SAMMSON: variants seen among roughly 807,000 people sequenced by gnomAD.
The protein encoded by SAMMSON is survival associated mitochondrial melanoma specific oncogenic non-coding RNA.
At chr3:70,169,074 T>C (rs182748539) in intron 4 of SAMMSON, among the ~76,000 whole-genome samples, 1 of 152,048 alleles carries the variant, frequency 6.6e-6, no homozygotes, top group East Asian at 1.9e-4. Context: ...ACAAAACAAC[T>C]AAAATATAAA....
At chr3:70,365,970 CT>C (rs1193657961) in intron 9 of SAMMSON, among the ~76,000 whole-genome samples, 61 of 27,764 alleles carry the variant, frequency 2.2e-3, no homozygotes, top group Non-Finnish European at 3.4e-3. Context: ...TTTACCTTTT[CT>C]TTTTTTTTTT....
chr3:70,226,774 G>A (rs1701511202), intron 4 of SAMMSON, among the ~76,000 whole-genome samples: 1 of 151,352 alleles, frequency 6.6e-6, no homozygotes, highest in Non-Finnish European at 1.5e-5. Context: ...CAATTTCCAG[G>A]TGGCAATTAA....
chr3:70,175,030 C>T (rs891208527), intron 4 of SAMMSON, among the ~76,000 whole-genome samples: 1 of 152,012 alleles, frequency 6.6e-6, no homozygotes, highest in Non-Finnish European at 1.5e-5. Context: ...GTCACAAAAG[C>T]TGGTATTCGA....
intron 6 of SAMMSON, among the ~76,000 whole-genome samples, chr3:70,277,114 T>C (rs1241199358): frequency 6.6e-6 from 1 of 152,154 alleles, no homozygotes; most frequent in Non-Finnish European, 1.5e-5. Flanking sequence ...ATTGGCTAAG[T>C]CTGTGTGATT....
At chr3:70,364,949 C>A (rs1702908775) in intron 9 of SAMMSON, among the ~76,000 whole-genome samples, 1 of 151,718 alleles carries the variant, frequency 6.6e-6, no homozygotes, top group Non-Finnish European at 1.5e-5. Context: ...ATCGTGTTAT[C>A]CATTTATAAC....
intron 4 of SAMMSON, among the ~76,000 whole-genome samples, chr3:70,109,912 C>T (rs2067381673): frequency 1.3e-5 from 2 of 152,196 alleles, no homozygotes; most frequent in Non-Finnish European, 2.9e-5. Context: ...TATTGTGCAA[C>T]TGCTATTTCA....
At chr3:70,266,511 C>G (rs936484923) in intron 6 of SAMMSON, among the ~76,000 whole-genome samples, 1 of 152,064 alleles carries the variant, frequency 6.6e-6, no homozygotes, top group South Asian at 2.1e-4. Context: ...GCCTGCATCT[C>G]CTAGGCTCAA....
chr3:70,186,219 A>T (rs1701090553), intron 4 of SAMMSON, among the ~76,000 whole-genome samples: 1 of 152,252 alleles, frequency 6.6e-6, no homozygotes, highest in African/African-American at 2.4e-5. Context: ...CATTGTATAA[A>T]AAAAACAAAT....
At chr3:70,129,422 T>C (rs1483444764) in intron 4 of SAMMSON, among the ~76,000 whole-genome samples, 3 of 152,188 alleles carry the variant, frequency 2.0e-5, no homozygotes, top group Non-Finnish European at 2.9e-5. Flanking sequence ...TAAACAGCAA[T>C]TGGTGGAAAA....
chr3:70,292,946 C>T lies in SAMMSON; in HGVS notation n.739+1703C>T, dbSNP rs183449084. On this transcript the variant is annotated intron_variant and non_coding_transcript_variant, in intron 7 of 9. Coordinates refer to ENST00000642114, the Ensembl canonical transcript of SAMMSON. Reference sequence around the variant, plus strand: ...TTATCTAACAAGAAAAACATACATACAATTAATTACTAACAATTTAAATGT... The same window carrying T: ...TTATCTAACAAGAAAAACATACATATAATTAATTACTAACAATTTAAATGT... 2.0e-3 allele frequency among the ~76,000 whole-genome samples: 281 copies of T among 141,596 alleles called. 1 individual carries two copies. The highest frequency in any genetic ancestry group is 6.9e-3 in the African/African-American group (265 of 38,506). 92.9% of individuals were successfully genotyped at this position (141,596 alleles called of 152,430 possible).
chr3:70,171,353 A>G (rs1299098245), intron 4 of SAMMSON, among the ~76,000 whole-genome samples: 4 of 151,848 alleles, frequency 2.6e-5, no homozygotes, highest in African/African-American at 9.7e-5. Context: ...AGTTATGTCT[A>G]GAAGGTTAGC....
intron 2 of SAMMSON, among the ~76,000 whole-genome samples, chr3:70,400,923 C>A (rs1428521885): frequency 2.6e-5 from 4 of 151,992 alleles, no homozygotes; most frequent in Non-Finnish European, 5.9e-5. Context: ...CAGAGCAAGA[C>A]CCTGTCTCAA....
chr3:70,199,033 G>T (rs913618533), intron 4 of SAMMSON, among the ~76,000 whole-genome samples: 6 of 152,200 alleles, frequency 3.9e-5, no homozygotes, highest in African/African-American at 1.4e-4. Flanking sequence ...AGAAGAGGCT[G>T]TCAGCAGACA....
intron 3 of SAMMSON, among the ~76,000 whole-genome samples, chr3:70,032,240 G>C (rs13319356): frequency 0.038 from 5,839 of 152,064 alleles, 334 homozygotes; most frequent in African/African-American, 0.12. Flanking sequence ...TTATGTCAGA[G>C]TACATCAAGC....
intron 4 of SAMMSON, among the ~76,000 whole-genome samples, chr3:70,223,669 C>G (rs1338357693): frequency 6.6e-6 from 1 of 152,260 alleles, no homozygotes; most frequent in African/African-American, 2.4e-5. Context: ...AGACTTAAGT[C>G]TGAAAAATTT....
intron 4 of SAMMSON, among the ~76,000 whole-genome samples, chr3:70,154,836 T>G (rs1204299680): frequency 6.6e-6 from 1 of 152,058 alleles, no homozygotes; most frequent in East Asian, 1.9e-4. Flanking sequence ...GCTTTACCTT[T>G]GATCCTATGG....
At chr3:70,312,078 A>C (rs1702459506) in intron 7 of SAMMSON, 1 of 392,212 alleles carries the variant, frequency 2.5e-6, no homozygotes, top group Non-Finnish European at 4.5e-6. Flanking sequence ...GGAAAATTTT[A>C]TCTCTATAGT....
chr3:70,174,456 A>G (rs1700994244), intron 4 of SAMMSON, among the ~76,000 whole-genome samples: 1 of 151,998 alleles, frequency 6.6e-6, no homozygotes, highest in South Asian at 2.1e-4. Context: ...GCATCATCAA[A>G]CCATGCAGAG....
intron 3 of SAMMSON, among the ~76,000 whole-genome samples, chr3:70,045,140 T>TTA (rs1486069438): frequency 1.5e-5 from 2 of 130,758 alleles, no homozygotes; most frequent in South Asian, 2.1e-4. Flanking sequence ...TATATTATAA[T>TTA]TTATATATAT....
Sources: allele counts gnomAD v4.1 joint callset (sites outside exome capture counted in the v4.1 genomes callset), GRCh38; gene constraint gnomAD v4.1.1; transcripts MANE v1.5; gene names NCBI Gene and HGNC (gene_info 2026-07-23, HGNC 2026-07-21).